The following UNC5D variants were observed in gnomAD, a reference collection of about 807,000 sequenced individuals.
UNC5D encodes netrin receptor UNC5D.
In UNC5D, 39 loss-of-function variants were observed where a neutral mutation model predicts 105.4. The observed-to-expected ratio is 0.37, with a 90% CI of 0.29 to 0.48. The LOEUF is 0.48. UNC5D is among the 20% of genes least tolerant of loss of function. UNC5D has a pLI of 0.98. For synonymous variants in UNC5D, 452 were observed against 450.4 expected, an observed-to-expected ratio of 1.00 and a Z score of -0.04; for missense variants, 991 against 1,202.4, an observed-to-expected ratio of 0.82 and a Z score of 2.60.
chr8:35,679,815 T>C (rs1262936032), intron 4 of UNC5D, among the ~76,000 whole-genome samples: 4 of 152,120 alleles, frequency 2.6e-5, no homozygotes, highest in Non-Finnish European at 5.9e-5. Context: ...TACCTGAAAC[T>C]GGGTAATTTT....
chr8:35,237,528 C>G (rs1226815510), intron 1 of UNC5D, among the ~76,000 whole-genome samples: 1 of 152,078 alleles, frequency 6.6e-6, no homozygotes, highest in Non-Finnish European at 1.5e-5. Context: ...TGTCTTGAAG[C>G]CAGCTCGAAA....
chr8:35,624,996 GC>G (rs1194356452), intron 4 of UNC5D, among the ~76,000 whole-genome samples: 44 of 152,154 alleles, frequency 2.9e-4, no homozygotes, highest in African/African-American at 1.0e-3. Flanking sequence ...TTTTGAACAT[GC>G]ATATGTGTGT....
intron 3 of UNC5D, among the ~76,000 whole-genome samples, chr8:35,589,093 C>T (rs1818985737): frequency 6.6e-6 from 1 of 151,576 alleles, no homozygotes; most frequent in African/African-American, 2.4e-5. Flanking sequence ...TGCAGGTGTA[C>T]TTACTTTGGA....
At chr8:35,382,413 C>T (rs1032116798) in intron 1 of UNC5D, among the ~76,000 whole-genome samples, 7 of 152,194 alleles carry the variant, frequency 4.6e-5, no homozygotes, top group Admixed American at 2.6e-4. Flanking sequence ...TTTTCTAAAA[C>T]TGAACTTGTT....
At chr8:35,301,089 G>GT (rs1337762097) in intron 1 of UNC5D, among the ~76,000 whole-genome samples, 1 of 152,102 alleles carries the variant, frequency 6.6e-6, no homozygotes, top group Non-Finnish European at 1.5e-5. Flanking sequence ...TCTAAATACA[G>GT]TTTTTTAATG....
intron 1 of UNC5D, among the ~76,000 whole-genome samples, chr8:35,368,929 T>C (rs1396561974): frequency 6.6e-6 from 1 of 152,212 alleles, no homozygotes; most frequent in Non-Finnish European, 1.5e-5. Context: ...ACCCTAATCA[T>C]GGACTTCCAG....
intron 1 of UNC5D, among the ~76,000 whole-genome samples, chr8:35,287,820 TAATAAATA>T (rs917197431): frequency 6.6e-6 from 1 of 151,564 alleles, no homozygotes; most frequent in Admixed American, 6.6e-5. Context: ...AATGACTAAA[TAATAAATA>T]AATAAATAAA....
At chr8:35,609,067 C>T (rs781302258) in intron 4 of UNC5D, among the ~76,000 whole-genome samples, 5 of 152,108 alleles carry the variant, frequency 3.3e-5, no homozygotes, top group Admixed American at 6.5e-5. Context: ...TGTCAACATC[C>T]AGTTTTTTTT....
chr8:35,488,938 T>G (rs556536202), intron 1 of UNC5D, among the ~76,000 whole-genome samples: 1 of 152,188 alleles, frequency 6.6e-6, no homozygotes, highest in South Asian at 2.1e-4. Flanking sequence ...GGATTTTGCA[T>G]GTGACAAGAA....
At position 35,793,167 on chromosome 8, in the gene UNC5D, T is replaced by A; in HGVS notation, c.*2604T>A. ...ATCCTACATAGGATTTCTATAGAAA[T>A]GTATGAAATTCTGTGGTCACTGCAT... On this transcript the variant is annotated 3_prime_UTR_variant, in exon 17 of 17. Coordinates refer to ENST00000404895, the MANE Select transcript of UNC5D (RefSeq NM_080872.4). 2.2e-6 allele frequency: 1 copy of A among 456,276 alleles called. No individual in the cohort carries two copies. The highest frequency in any genetic ancestry group is 4.4e-6 in the Non-Finnish European group (1 of 226,762). 28.3% of individuals were successfully genotyped at this position (456,276 alleles called of 1,614,324 possible). A position where few individuals can be genotyped will look rare whatever the true frequency, so the allele number is the denominator to read the frequency against.
chr8:35,780,816 G>A (rs545331393), intron 16 of UNC5D, among the ~76,000 whole-genome samples: 3 of 152,250 alleles, frequency 2.0e-5, no homozygotes, highest in South Asian at 2.1e-4. Context: ...ATCAGCCTTC[G>A]TGTCCTGTTT....
chr8:35,413,918 A>C (rs963578034), intron 1 of UNC5D, among the ~76,000 whole-genome samples: 4 of 152,130 alleles, frequency 2.6e-5, no homozygotes, highest in Non-Finnish European at 5.9e-5. Context: ...AGTGGGTCTT[A>C]GTGCTGGTCA....
intron 1 of UNC5D, among the ~76,000 whole-genome samples, chr8:35,395,076 A>G (rs1261173820): frequency 6.6e-6 from 1 of 152,234 alleles, no homozygotes; most frequent in African/African-American, 2.4e-5. Context: ...TGCAAAAATA[A>G]GAAGCATAGG....
At chr8:35,455,395 C>T (rs1156614014) in intron 1 of UNC5D, among the ~76,000 whole-genome samples, 1 of 151,824 alleles carries the variant, frequency 6.6e-6, no homozygotes, top group Admixed American at 6.6e-5. Flanking sequence ...TCTCATGCCT[C>T]AGCCTCCCAA....
chr8:35,425,540 C>T (rs1378681602), intron 1 of UNC5D, among the ~76,000 whole-genome samples: 3 of 152,068 alleles, frequency 2.0e-5, no homozygotes, highest in African/African-American at 4.8e-5. Context: ...GCAGCATGCC[C>T]GTGAGTTAAG....
In UNC5D at chr8:35,413,345, A is replaced by T. The variant is rs144719027; in HGVS notation, c.104-135947A>T. 6.6e-3 allele frequency among the ~76,000 whole-genome samples: 991 copies of T among 149,120 alleles called. 5 individuals carry two copies. Among genetic ancestry groups the T allele is most frequent in the Non-Finnish European group, 0.012 (787 of 67,472 alleles). On this transcript the variant is annotated intron_variant, in intron 1 of 16. Transcript: ENST00000404895. ...CTTCACTGTTTTGGGCAAATTGGAG[A>T]TGGACATCTGGAGATTAGGGTTTTT...
intron 2 of UNC5D, among the ~76,000 whole-genome samples, chr8:35,556,116 A>G (rs182949785): frequency 6.6e-6 from 1 of 152,260 alleles, no homozygotes; most frequent in East Asian, 1.9e-4. Flanking sequence ...AGCACCTAAT[A>G]CATGTGACAT....
chr8:35,336,073 A>T (rs1811013813), intron 1 of UNC5D, among the ~76,000 whole-genome samples: 1 of 152,080 alleles, frequency 6.6e-6, no homozygotes, highest in South Asian at 2.1e-4. Context: ...GAGAGATTTC[A>T]ATTCTAAAAG....
At chr8:35,749,235 G>A (rs1830146177) in intron 12 of UNC5D, among the ~76,000 whole-genome samples, 1 of 152,112 alleles carries the variant, frequency 6.6e-6, no homozygotes, top group Non-Finnish European at 1.5e-5. Context: ...GCAAACAAAA[G>A]GGATACAGTA....
Sources: allele counts gnomAD v4.1 joint callset (sites outside exome capture counted in the v4.1 genomes callset), GRCh38; gene constraint gnomAD v4.1.1; transcripts MANE v1.5; gene names NCBI Gene and HGNC (gene_info 2026-07-23, HGNC 2026-07-21).